The following RASGRF1 variants were observed in gnomAD, a reference collection of about 807,000 sequenced individuals.
RASGRF1 encodes the protein Ras protein specific guanine nucleotide releasing factor 1.
Under a neutral mutation model 138.7 loss-of-function variants are expected in RASGRF1, and 40 were observed. That is an observed-to-expected ratio of 0.29 (90% confidence interval 0.22 to 0.38). The LOEUF (loss-of-function observed/expected upper bound fraction) is 0.38, where lower values mean the gene tolerates loss of function less well. Ranked by LOEUF, RASGRF1 falls within the 10% of genes least tolerant of loss-of-function variation. The pLI is 1.00. For missense variants in RASGRF1, 1,108 were observed against 1,650.4 expected, an observed-to-expected ratio of 0.67 and a Z score of 5.69; for synonymous variants, 614 against 663.2, an observed-to-expected ratio of 0.93 and a Z score of 1.14.
At chr15:79,067,024 T>C (rs768507190) in intron 1 of RASGRF1, among the ~76,000 whole-genome samples, 9 of 152,210 alleles carry the variant, frequency 5.9e-5, no homozygotes, top group Non-Finnish European at 1.3e-4. Context: ...TCTCCTGGGC[T>C]ACTGTCACAG....
Position 79,020,021 on chromosome 15 carries a change from C to A in RASGRF1, c.1606+20G>T, listed in dbSNP as rs749909927. On this transcript the variant is annotated intron_variant, in intron 11 of 26. Coordinates refer to ENST00000558480, the MANE Select transcript of RASGRF1 (RefSeq NM_001145648.3). Reference sequence around the variant, plus strand: ...ATCTGTGCAAGCACACACATGCGCACATGCAGCTTTCACACTCACCTTCCT... The same window carrying A: ...ATCTGTGCAAGCACACACATGCGCAAATGCAGCTTTCACACTCACCTTCCT... 6.2e-7 allele frequency: 1 copy of A among 1,613,564 alleles called. No individual in the cohort carries two copies. Among genetic ancestry groups the A allele is most frequent in the South Asian group, 1.1e-5 (1 of 91,074 alleles).
intron 13 of RASGRF1, among the ~76,000 whole-genome samples, chr15:79,011,950 AG>A (rs1836702645): frequency 6.6e-6 from 1 of 151,704 alleles, no homozygotes. Flanking sequence ...CAGGAAGTAG[AG>A]GCTGCAGTGA....
chr15:79,015,201 C>A, intron 13 of RASGRF1, 126 bp downstream of exon 13: 1 of 832,864 alleles, frequency 1.2e-6, no homozygotes, highest in Non-Finnish European at 1.9e-6. Context: ...ATCCAAAACA[C>A]CCCCAAAGAC....
intron 26 of RASGRF1, among the ~76,000 whole-genome samples, chr15:78,969,472 C>A (rs2055707847): frequency 6.6e-6 from 1 of 152,090 alleles, no homozygotes; most frequent in African/African-American, 2.4e-5. Flanking sequence ...AGTTTGAGAC[C>A]AGCCTGACCA....
intron 22 of RASGRF1, 44 bp from the exon 23 acceptor site, chr15:78,985,248 T>C (rs1413315573): frequency 6.7e-6 from 10 of 1,498,448 alleles, no homozygotes; most frequent in Non-Finnish European, 9.2e-6. Context: ...GGAGTAAGTA[T>C]TGCAAAGATG....
chr15:79,011,893 G>C (rs1357722402), intron 13 of RASGRF1, among the ~76,000 whole-genome samples: 3 of 152,082 alleles, frequency 2.0e-5, no homozygotes, highest in Non-Finnish European at 4.4e-5. Flanking sequence ...GTGCACGCCT[G>C]TAGTCCCAGC....
At chr15:79,052,105 CCTGGCTCCATGCCTGGTGTCTTGG>C (rs1264251054) in intron 3 of RASGRF1, among the ~76,000 whole-genome samples, 1 of 152,184 alleles carries the variant, frequency 6.6e-6, no homozygotes, top group Non-Finnish European at 1.5e-5. Flanking sequence ...CGACTCCACA[CCTGGCTCCATGCCTGGTGTCTTGG>C]CTGGCTCCTG....
intron 5 of RASGRF1, among the ~76,000 whole-genome samples, chr15:79,039,221 A>G (rs1474757741): frequency 6.8e-6 from 1 of 147,260 alleles, no homozygotes; most frequent in Admixed American, 6.9e-5. Flanking sequence ...GCTTGAGCCC[A>G]GGAGGCAGAG....
intron 9 of RASGRF1, among the ~76,000 whole-genome samples, chr15:79,026,743 T>G (rs964728734): frequency 5.3e-5 from 8 of 152,214 alleles, no homozygotes; most frequent in African/African-American, 1.9e-4. Context: ...TTTCTTGGGC[T>G]ACTTCCAAGC....
chr15:79,072,328 T>C (rs1387570161), intron 1 of RASGRF1, among the ~76,000 whole-genome samples: 1 of 129,250 alleles, frequency 7.7e-6, no homozygotes, highest in Non-Finnish European at 1.6e-5. Context: ...CAGGCTGGAG[T>C]GCAGTGGCAT....
intron 24 of RASGRF1, among the ~76,000 whole-genome samples, chr15:78,974,181 G>C (rs2055827403): frequency 6.6e-6 from 1 of 152,192 alleles, no homozygotes; most frequent in Admixed American, 6.5e-5. Context: ...TCGGTGCTGG[G>C]TAAGGGTTGA....
At chr15:79,058,945 C>T (rs1371839433) in intron 2 of RASGRF1, among the ~76,000 whole-genome samples, 1 of 152,194 alleles carries the variant, frequency 6.6e-6, no homozygotes, top group Non-Finnish European at 1.5e-5. Context: ...TGTACCACCA[C>T]AACTCCCCTC....
chr15:78,980,576 T>C (rs572901761), intron 24 of RASGRF1, 44 bp downstream of exon 24: 1 of 1,498,124 alleles, frequency 6.7e-7, no homozygotes, highest in African/African-American at 1.4e-5. Flanking sequence ...GCAATGCAGG[T>C]CTATGATTTT....
At chr15:79,004,860 C>T in intron 14 of RASGRF1, 1 of 984,490 alleles carries the variant, frequency 1.0e-6, no homozygotes, top group Non-Finnish European at 1.2e-6. Context: ...CTCACTGTTG[C>T]CCCAGGACGT....
intron 1 of RASGRF1, among the ~76,000 whole-genome samples, chr15:79,078,110 G>T (rs1212006819): frequency 1.7e-5 from 2 of 117,380 alleles, no homozygotes; most frequent in East Asian, 5.2e-4. Flanking sequence ...AGTGCAGGGA[G>T]TGGCTGTGCT....
chr15:79,076,660 G>A (rs2057837352), intron 1 of RASGRF1, among the ~76,000 whole-genome samples: 1 of 152,218 alleles, frequency 6.6e-6, no homozygotes, highest in Non-Finnish European at 1.5e-5. Context: ...GGAATCAAGT[G>A]GTGGGGGCAA....
intron 1 of RASGRF1, among the ~76,000 whole-genome samples, chr15:79,070,355 A>G (rs1335098852): frequency 6.6e-6 from 1 of 152,204 alleles, no homozygotes; most frequent in Non-Finnish European, 1.5e-5. Flanking sequence ...AAAAAGGGAG[A>G]CAGATGCTTC....
Position 78,973,353 on chromosome 15 carries a change from T to A in RASGRF1, c.3562A>T (p.Thr1188Ser). 6.2e-7 allele frequency: 1 copy of A among 1,613,392 alleles called. No homozygotes were observed. The highest frequency in any genetic ancestry group is 8.5e-7 in the Non-Finnish European group (1 of 1,179,780). ...LTDLAFIEEG[T>S]PNYTEDGLVN... ...AGGCCGTCTTCCGTGTAATTGGGCG[T>A]CCCCTCCTCGATGAAGGCCAGGTCG... Residue 1188 changes from threonine (T) to serine (S), a missense_variant, in exon 25 of 27, where the codon ACG (threonine) becomes TCG (serine). By Grantham distance (58) the Thr-to-Ser change is moderately conservative. Coordinates refer to ENST00000558480, the MANE Select transcript of RASGRF1 (RefSeq NM_001145648.3). The surrounding 1 kb of genome is among the most constrained non-coding windows in gnomAD (Gnocchi z 4.9).
At chr15:78,967,276 T>C (rs1452693608) in intron 26 of RASGRF1, among the ~76,000 whole-genome samples, 1 of 151,906 alleles carries the variant, frequency 6.6e-6, no homozygotes, top group Non-Finnish European at 1.5e-5. Flanking sequence ...CCAGGTGCAG[T>C]GGCTCATTCC....
Sources: gnomAD v4.1 joint callset for allele counts (sites outside exome capture counted in the v4.1 genomes callset) on GRCh38, gnomAD v4.1.1 for gene constraint, Gnocchi (gnomAD v3.1) non-coding constraint, MANE v1.5 for transcripts, NCBI Gene and HGNC (gene_info 2026-07-23, HGNC 2026-07-21) for gene names.